Variants in SNTG1 observed in about 807,000 individuals in gnomAD.
SNTG1 encodes the protein syntrophin gamma 1.
In SNTG1, 39 loss-of-function variants were observed where a neutral mutation model predicts 74.7. The observed-to-expected ratio is 0.52, with a 90% confidence interval of 0.40 to 0.68. The LOEUF is 0.68. Ranked by LOEUF, SNTG1 falls within the 30% of genes least tolerant of loss-of-function variation. SNTG1 has a pLI of 0.00. For missense variants in SNTG1, 685 were observed against 609.5 expected (o/e 1.12, Z -1.30); for synonymous variants, 254 against 217.1 (o/e 1.17, Z -1.49).
chr8:50,637,170 T>C (rs1014910225), intron 13 of SNTG1, among the ~76,000 whole-genome samples: 2 of 152,222 alleles, frequency 1.3e-5, no homozygotes, highest in Non-Finnish European at 2.9e-5. Flanking sequence ...TACCTAACTG[T>C]ATTTGTCATT....
intron 1 of SNTG1, among the ~76,000 whole-genome samples, chr8:49,936,291 T>A (rs1301902822): frequency 6.6e-6 from 1 of 152,184 alleles, no homozygotes; most frequent in Non-Finnish European, 1.5e-5. Context: ...TCCTTTTTTT[T>A]AATGTGGCTC....
At chr8:50,326,204 C>T (rs2090741053) in intron 2 of SNTG1, among the ~76,000 whole-genome samples, 1 of 152,000 alleles carries the variant, frequency 6.6e-6, no homozygotes, top group Admixed American at 6.6e-5. Context: ...AGTGTAATAC[C>T]TGCCTCAAAT....
chr8:50,703,044 A>G (rs967755680), intron 15 of SNTG1, among the ~76,000 whole-genome samples: 13 of 152,242 alleles, frequency 8.5e-5, no homozygotes, highest in African/African-American at 2.9e-4. Context: ...GTGAAGGCCT[A>G]GGATGTTACT....
intron 1 of SNTG1, among the ~76,000 whole-genome samples, chr8:49,949,783 T>C (rs1809537207): frequency 6.6e-6 from 1 of 152,206 alleles, no homozygotes; most frequent in Non-Finnish European, 1.5e-5. Context: ...TATCCTTCTC[T>C]AGTTATGTTT....
intron 2 of SNTG1, among the ~76,000 whole-genome samples, chr8:50,390,202 T>G (rs2092636903): frequency 6.6e-6 from 1 of 152,118 alleles, no homozygotes; most frequent in African/African-American, 2.4e-5. Context: ...TCTTCTAGGG[T>G]TTTTATAGTT....
rs111890806 is a variant in SNTG1 at position 50,009,902 on chromosome 8, C to G, written c.-103+97671C>G. On this transcript the variant is annotated intron_variant, in intron 1 of 18. Transcript: ENST00000642720. ...TAGCCCCAGCTACTCAGGAGGCTGA[C>G]GCAGAATTCCTTGAAACCAGGAGGT... Among the ~76,000 whole-genome samples the G allele has an allele frequency of 5.1e-4, 77 of 152,086 alleles. 1 individual carries two copies. The highest frequency in any genetic ancestry group is 1.5e-4 in the Non-Finnish European group (10 of 67,990).
At chr8:50,406,148 T>G (rs901848323) in intron 4 of SNTG1, among the ~76,000 whole-genome samples, 1 of 152,118 alleles carries the variant, frequency 6.6e-6, no homozygotes, top group Non-Finnish European at 1.5e-5. Flanking sequence ...TATGGACATC[T>G]TAATAATAGT....
At chr8:49,964,623 C>T (rs1810979957) in intron 1 of SNTG1, among the ~76,000 whole-genome samples, 1 of 152,168 alleles carries the variant, frequency 6.6e-6, no homozygotes, top group African/African-American at 2.4e-5. Context: ...CTTCTTTCTT[C>T]CCATGTGGGA....
At chr8:50,685,557 T>C (rs1247403396) in intron 15 of SNTG1, among the ~76,000 whole-genome samples, 3 of 152,238 alleles carry the variant, frequency 2.0e-5, no homozygotes, top group African/African-American at 2.4e-5. Context: ...TTTGGTCTTT[T>C]CAAACCTTAA....
chr8:50,204,603 G>A lies in SNTG1; in HGVS notation c.-28+31968G>A, dbSNP rs561524037. ...TTTTTATTATACTTCAAGTTCTAGG[G>A]TACATGTGCACAACATGCAGGTTTG... On this transcript the variant is annotated intron_variant, in intron 2 of 18. Transcript: ENST00000642720. Among the ~76,000 whole-genome samples the A allele has an allele frequency of 1.8e-3, 275 of 152,062 alleles. 2 individuals carry two copies. The highest frequency in any genetic ancestry group is 6.2e-3 in the African/African-American group (259 of 41,460).
intron 12 of SNTG1, among the ~76,000 whole-genome samples, chr8:50,582,986 C>A (rs2094620961): frequency 6.6e-6 from 1 of 151,970 alleles, no homozygotes; most frequent in Non-Finnish European, 1.5e-5. Context: ...ATGAAATAAA[C>A]TGATATTTAA....
intron 1 of SNTG1, among the ~76,000 whole-genome samples, chr8:50,085,355 C>A (rs1043683156): frequency 6.6e-6 from 1 of 152,162 alleles, no homozygotes; most frequent in African/African-American, 2.4e-5. Flanking sequence ...TTCTTCTCTT[C>A]CTTCTATACT....
chr8:50,098,793 C>CATTT (rs1429189499), intron 1 of SNTG1, among the ~76,000 whole-genome samples: 2 of 152,128 alleles, frequency 1.3e-5, no homozygotes, highest in African/African-American at 4.8e-5. Context: ...TATATACAGT[C>CATTT]ATTTATTCCT....
rs544241457 is a variant in SNTG1 at position 50,251,582 on chromosome 8, A to G, written c.-28+78947A>G. Among the ~76,000 whole-genome samples, 239 of 152,000 alleles carry G rather than the reference A, an allele frequency of 1.6e-3. 2 individuals are homozygous for G. Among genetic ancestry groups the G allele is most frequent in the African/African-American group, 5.5e-3 (229 of 41,536 alleles). Reference sequence around the variant, plus strand: ...AAACCAAGCAGAGATACGCATACTTATATCAGATAAAATACATATTAAGTG... The same window carrying G: ...AAACCAAGCAGAGATACGCATACTTGTATCAGATAAAATACATATTAAGTG... On this transcript the variant is annotated intron_variant, in intron 2 of 18. Transcript: ENST00000642720.
chr8:50,042,780 C>A (rs1375131620), intron 1 of SNTG1, among the ~76,000 whole-genome samples: 1 of 150,846 alleles, frequency 6.6e-6, no homozygotes, highest in Non-Finnish European at 1.5e-5. Flanking sequence ...CCAGACTAGT[C>A]TAAATTCTTG....
intron 10 of SNTG1, among the ~76,000 whole-genome samples, chr8:50,534,158 T>A (rs1391946924): frequency 6.6e-6 from 1 of 152,226 alleles, no homozygotes; most frequent in Non-Finnish European, 1.5e-5. Context: ...ATGTTAAATG[T>A]TCCACAGTAG....
chr8:50,372,191 T>C (rs2092284170), intron 2 of SNTG1, among the ~76,000 whole-genome samples: 1 of 151,896 alleles, frequency 6.6e-6, no homozygotes, highest in Non-Finnish European at 1.5e-5. Context: ...CTAGCTGCTT[T>C]CATTTGTGTT....
At chr8:50,540,753 GA>G (rs1176779647) in intron 11 of SNTG1, among the ~76,000 whole-genome samples, 1 of 151,932 alleles carries the variant, frequency 6.6e-6, no homozygotes, top group African/African-American at 2.4e-5. Flanking sequence ...AGTACCTTTG[GA>G]AATGTTTCTT....
chr8:50,436,995 G>T (rs1010533490), intron 4 of SNTG1, among the ~76,000 whole-genome samples: 5 of 152,060 alleles, frequency 3.3e-5, no homozygotes, highest in African/African-American at 4.8e-5. Flanking sequence ...CTTTGTGGTA[G>T]TATTTAATAC....
Sources: gnomAD v4.1 joint callset for allele counts (sites outside exome capture counted in the v4.1 genomes callset) on GRCh38, gnomAD v4.1.1 for gene constraint, MANE v1.5 for transcripts, NCBI Gene and HGNC (gene_info 2026-07-23, HGNC 2026-07-21) for gene names.